Variants in HSDL1 observed in about 807,000 individuals in gnomAD.
HSDL1 encodes the protein hydroxysteroid dehydrogenase like 1, also known as inactive hydroxysteroid dehydrogenase-like protein 1.
Under a neutral mutation model 31.5 loss-of-function variants are expected in HSDL1, and 29 were observed. The observed-to-expected ratio is 0.92, with a 90% CI of 0.69 to 1.26. The LOEUF (loss-of-function observed/expected upper bound fraction) is 1.26. Among genes scored for constraint, HSDL1 ranks in the 50% most tolerant of loss-of-function variants. The pLI, the probability that HSDL1 is intolerant of heterozygous loss-of-function variation, is 0.00. For missense variants in HSDL1, 503 were observed against 416.6 expected (o/e 1.21, Z -1.81); for synonymous variants, 222 against 155.2 (o/e 1.43, Z -3.20).
intron 1 of HSDL1, among the ~76,000 whole-genome samples, chr16:84,138,808 A>T (rs1490511242): frequency 1.3e-5 from 2 of 152,192 alleles, no homozygotes; most frequent in East Asian, 3.8e-4. Context: ...CCTACAGGAA[A>T]CGTTACAACT....
In HSDL1 at chr16:84,131,467, G is replaced by A. The variant is rs569583557; in HGVS notation, c.-6-140C>T. The A allele has an allele frequency of 9.5e-4, 600 of 633,992 alleles. 7 individuals carry two copies. The highest frequency in any genetic ancestry group is 9.3e-3 in the South Asian group (491 of 52,626). The allele number at this position is 633,992 out of a possible 1,614,324, so 39.3% of individuals were successfully genotyped here. ...AATAACACTAACTTTTCAAATGTAC[G>A]TGGCTCACAGTTTCAGTCTATCTAT... On this transcript the variant is annotated intron_variant, in intron 2 of 5. Coordinates refer to ENST00000219439, the MANE Select transcript of HSDL1 (RefSeq NM_031463.5).
At chr16:84,137,426 C>T (rs1475072674) in intron 1 of HSDL1, among the ~76,000 whole-genome samples, 1 of 152,204 alleles carries the variant, frequency 6.6e-6, no homozygotes, top group Non-Finnish European at 1.5e-5. Flanking sequence ...GAGATGCCTT[C>T]ACGCCAGACT....
At chr16:84,128,952 C>T (rs868610904) in intron 5 of HSDL1, among the ~76,000 whole-genome samples, 9 of 152,230 alleles carry the variant, frequency 5.9e-5, no homozygotes, top group Middle Eastern at 3.4e-3. Context: ...AGGTGATCCA[C>T]CCACCTCAGC....
intron 2 of HSDL1, among the ~76,000 whole-genome samples, chr16:84,132,860 G>T (rs754810884): frequency 6.6e-6 from 1 of 151,254 alleles, no homozygotes. Flanking sequence ...AGGGAACTCA[G>T]ATACACACAA....
chr16:84,140,608 A>G (rs2086757104), intron 1 of HSDL1, among the ~76,000 whole-genome samples: 1 of 152,142 alleles, frequency 6.6e-6, no homozygotes, highest in African/African-American at 2.4e-5. Context: ...CCTATTATGC[A>G]CAGTTCAAAG....
Position 84,124,476 on chromosome 16 carries a change from C to G in HSDL1, c.*154G>C. ...CACCCTTAAGGTTTTTCACAGCACTCTGACGGTATTATGTGTGTTTTGCAA... is the reference window on the plus strand; with the variant it reads ...CACCCTTAAGGTTTTTCACAGCACTGTGACGGTATTATGTGTGTTTTGCAA... On this transcript the variant is annotated 3_prime_UTR_variant, in exon 6 of 6. Transcript: ENST00000219439. The G allele has an allele frequency of 1.7e-6, 1 of 590,254 alleles. No homozygotes were observed. The highest frequency in any genetic ancestry group is 3.1e-6 in the Non-Finnish European group (1 of 318,054). 36.6% of individuals were successfully genotyped at this position (590,254 alleles called of 1,614,324 possible).
At chr16:84,136,979 C>T (rs937303939) in intron 1 of HSDL1, among the ~76,000 whole-genome samples, 4 of 152,042 alleles carry the variant, frequency 2.6e-5, no homozygotes, top group Admixed American at 1.3e-4. Context: ...AACAACACAG[C>T]GAAGAGGCCT....
chr16:84,140,056 C>T (rs964233374), intron 1 of HSDL1, among the ~76,000 whole-genome samples: 2 of 152,134 alleles, frequency 1.3e-5, no homozygotes, highest in African/African-American at 4.8e-5. Context: ...GAGAAACTTC[C>T]CTTCCTGTCC....
chr16:84,141,948 G>C (rs763381448), intron 1 of HSDL1, among the ~76,000 whole-genome samples: 15 of 152,066 alleles, frequency 9.9e-5, no homozygotes, highest in Non-Finnish European at 1.6e-4. Context: ...TTATTATTGA[G>C]ACAAGGTCTG....
At chr16:84,136,061 C>T (rs1567522760) in intron 1 of HSDL1, among the ~76,000 whole-genome samples, 1 of 152,218 alleles carries the variant, frequency 6.6e-6, no homozygotes, top group Non-Finnish European at 1.5e-5. Flanking sequence ...TCTGCACACC[C>T]CTTCTTCAGC....
intron 5 of HSDL1, among the ~76,000 whole-genome samples, chr16:84,128,322 T>A (rs1173447785): frequency 1.3e-5 from 2 of 151,892 alleles, no homozygotes; most frequent in Non-Finnish European, 2.9e-5. Context: ...AGGGCACATC[T>A]CTTTACTACA....
intron 1 of HSDL1, among the ~76,000 whole-genome samples, chr16:84,136,615 G>A (rs934365115): frequency 6.6e-6 from 1 of 152,234 alleles, no homozygotes; most frequent in Non-Finnish European, 1.5e-5. Flanking sequence ...GGCCAGCAGA[G>A]GAGATGCACC....
chr16:84,140,639 G>T (rs2086757350), intron 1 of HSDL1, among the ~76,000 whole-genome samples: 1 of 152,110 alleles, frequency 6.6e-6, no homozygotes, highest in Admixed American at 6.6e-5. Context: ...CAGCCACTTA[G>T]CCACCAGCCT....
chr16:84,128,845 C>T (rs1219400354), intron 5 of HSDL1, among the ~76,000 whole-genome samples: 4 of 151,792 alleles, frequency 2.6e-5, no homozygotes, highest in African/African-American at 9.7e-5. Flanking sequence ...GTAGCTGGGA[C>T]TACAGGCACA....
At chr16:84,127,779 T>A (rs1203996018) in intron 5 of HSDL1, among the ~76,000 whole-genome samples, 1 of 146,934 alleles carries the variant, frequency 6.8e-6, no homozygotes, top group African/African-American at 2.5e-5. Flanking sequence ...AGTGCAGTGG[T>A]GTGATCTCGG....
At chr16:84,138,308 GC>G (rs200814039) in intron 1 of HSDL1, among the ~76,000 whole-genome samples, 2,559 of 152,294 alleles carry the variant, frequency 0.017, 47 homozygotes, top group Non-Finnish European at 0.023. Flanking sequence ...AATGGTGGTT[GC>G]TAGAGGTGGG....
intron 5 of HSDL1, 41 bp downstream of exon 5, chr16:84,129,507 G>A (rs755968122): frequency 7.4e-7 from 1 of 1,345,286 alleles, no homozygotes; most frequent in Admixed American, 1.7e-5. Context: ...ATAGGTTCAT[G>A]ATGCATTAAT....
intron 1 of HSDL1, among the ~76,000 whole-genome samples, chr16:84,136,348 T>C (rs1227827614): frequency 6.6e-6 from 1 of 152,254 alleles, no homozygotes; most frequent in Non-Finnish European, 1.5e-5. Flanking sequence ...ATTGCAACTG[T>C]TCTGTCTCTG....
At position 84,124,706 on chromosome 16, in the gene HSDL1, G is replaced by T; in HGVS notation, c.917C>A (p.Pro306His). 6.2e-7 allele frequency: 1 copy of T among 1,613,414 alleles called. No homozygotes were observed. Among genetic ancestry groups the T allele is most frequent in the Non-Finnish European group, 8.5e-7 (1 of 1,179,404 alleles). The change falls in exon 6 of 6, where the codon CCT becomes CAT. Residue 306 changes from proline to histidine, a missense_variant. Physicochemically the swap from Pro to His is moderately conservative, Grantham distance 77. Transcript: ENST00000219439. Reference sequence around the variant, plus strand: ...TGCTCCCCACACCCAGAGCCATTCAGGCATATACTGTGCAAAAAGAAACTA... The same window carrying T: ...TGCTCCCCACACCCAGAGCCATTCATGCATATACTGTGCAAAAAGAAACTA... ...SIQFLFAQYM[P>H]EWLWVWGANI...
Sources: allele counts gnomAD v4.1 joint callset (sites outside exome capture counted in the v4.1 genomes callset), GRCh38; gene constraint gnomAD v4.1.1; transcripts MANE v1.5; gene names NCBI Gene and HGNC (gene_info 2026-07-23, HGNC 2026-07-21).